Variants in ZNF385D observed in about 807,000 individuals in gnomAD.
The protein encoded by ZNF385D is zinc finger protein 659.
ZNF385D carries 15 observed loss-of-function variants against 35.8 expected under a neutral mutation model. The ratio of observed to expected loss-of-function variants is 0.42; its 90% CI spans 0.28 to 0.64. The LOEUF is 0.64. ZNF385D is among the 30% of genes least tolerant of loss of function. ZNF385D has a pLI of 0.23. For synonymous variants in ZNF385D, 212 were observed against 186.8 expected (o/e 1.13, Z -1.10); for missense variants, 474 against 494.6 (o/e 0.96, Z 0.39).
chr3:21,971,776 T>C (rs946006954), intron 3 of ZNF385D, among the ~76,000 whole-genome samples: 2 of 151,612 alleles, frequency 1.3e-5, no homozygotes, highest in Non-Finnish European at 2.9e-5. Context: ...AAAAAAGATA[T>C]TTCGTGCCAC....
At chr3:21,913,227 A>T (rs1292825766) in intron 3 of ZNF385D, among the ~76,000 whole-genome samples, 1 of 152,128 alleles carries the variant, frequency 6.6e-6, no homozygotes, top group East Asian at 1.9e-4. Flanking sequence ...CAGAGAAGGA[A>T]CAGTGTCACC....
At chr3:22,361,146 A>G (rs1206059167) in intron 2 of ZNF385D, among the ~76,000 whole-genome samples, 2 of 152,074 alleles carry the variant, frequency 1.3e-5, no homozygotes, top group African/African-American at 4.8e-5. Flanking sequence ...GGATGATGTA[A>G]AAACAAATTC....
intron 2 of ZNF385D, among the ~76,000 whole-genome samples, chr3:21,567,812 TTTTGGTGATCAGGGTATTA>T: frequency 6.6e-6 from 1 of 152,310 alleles, no homozygotes; most frequent in East Asian, 1.9e-4. Context: ...TTTTATCATA[TTTTGGTGATCAGGGTATTA>T]TTTTGGGTTT....
chr3:22,077,475 C>T (rs1700520911), intron 3 of ZNF385D, among the ~76,000 whole-genome samples: 1 of 151,944 alleles, frequency 6.6e-6, no homozygotes, highest in Non-Finnish European at 1.5e-5. Flanking sequence ...TCAGGCACAA[C>T]TAAAATAGGC....
At chr3:22,155,252 G>A (rs538979572) in intron 3 of ZNF385D, among the ~76,000 whole-genome samples, 2 of 152,060 alleles carry the variant, frequency 1.3e-5, no homozygotes, top group Non-Finnish European at 2.9e-5. Flanking sequence ...ATTGATTGCT[G>A]TGGTAAAGAA....
chr3:21,615,907 A>T (rs894010817), intron 2 of ZNF385D, among the ~76,000 whole-genome samples: 1 of 152,142 alleles, frequency 6.6e-6, no homozygotes, highest in Non-Finnish European at 1.5e-5. Flanking sequence ...CACAGCTTCC[A>T]GAATCTGAGT....
At chr3:21,989,013 C>T (rs529438481) in intron 3 of ZNF385D, among the ~76,000 whole-genome samples, 1 of 152,094 alleles carries the variant, frequency 6.6e-6, no homozygotes. Context: ...TGCTTCGGCT[C>T]GCGCACGGTG....
intron 3 of ZNF385D, chr3:21,961,464 T>C (rs896042260): frequency 6.6e-6 from 1 of 152,154 alleles, no homozygotes; most frequent in Non-Finnish European, 1.5e-5. Context: ...TAATTAGAAA[T>C]ATGAAGTAAC....
intron 3 of ZNF385D, among the ~76,000 whole-genome samples, chr3:21,529,171 A>G (rs2061859928): frequency 6.6e-6 from 1 of 152,084 alleles, no homozygotes; most frequent in Admixed American, 6.6e-5. Flanking sequence ...TAGTTTCTCA[A>G]ATGTTCCACC....
At chr3:21,487,870 C>CAAT (rs1238229543) in intron 4 of ZNF385D, among the ~76,000 whole-genome samples, 1 of 152,120 alleles carries the variant, frequency 6.6e-6, no homozygotes, top group Non-Finnish European at 1.5e-5. Context: ...TTTAATGAAT[C>CAAT]AATTCATGTA....
At chr3:22,266,288 A>G (rs907920560) in intron 2 of ZNF385D, among the ~76,000 whole-genome samples, 1 of 151,994 alleles carries the variant, frequency 6.6e-6, no homozygotes, top group Non-Finnish European at 1.5e-5. Flanking sequence ...GGTAGAAAAC[A>G]ATATAGCAAG....
intron 4 of ZNF385D, among the ~76,000 whole-genome samples, chr3:21,466,821 GA>G (rs1319493775): frequency 6.6e-6 from 1 of 152,110 alleles, no homozygotes; most frequent in Non-Finnish European, 1.5e-5. Context: ...GGTAACTAAA[GA>G]AAAATTCAGA....
At chr3:21,472,271 A>G (rs1703942178) in intron 4 of ZNF385D, among the ~76,000 whole-genome samples, 1 of 152,302 alleles carries the variant, frequency 6.6e-6, no homozygotes, top group Non-Finnish European at 1.5e-5. Flanking sequence ...AAGCATAACA[A>G]GAAATCTCTA....
chr3:22,236,551 T>C (rs769250730), intron 2 of ZNF385D, among the ~76,000 whole-genome samples: 33 of 152,306 alleles, frequency 2.2e-4, no homozygotes, highest in Non-Finnish European at 3.7e-4. Flanking sequence ...GATTTTTAAA[T>C]ATTAAGATAT....
chr3:21,522,686 T>A (rs1334547157), intron 3 of ZNF385D, among the ~76,000 whole-genome samples: 1 of 152,134 alleles, frequency 6.6e-6, no homozygotes, highest in Non-Finnish European at 1.5e-5. Context: ...GGGACTAGAT[T>A]AACTCTTGGA....
At chr3:22,184,438 T>C (rs755756539) in intron 2 of ZNF385D, among the ~76,000 whole-genome samples, 2 of 152,174 alleles carry the variant, frequency 1.3e-5, no homozygotes, top group Non-Finnish European at 2.9e-5. Context: ...AAATCTTCAA[T>C]ACTGTGTGTG....
chr3:21,638,498 C>T (rs2065512008), intron 2 of ZNF385D, among the ~76,000 whole-genome samples: 1 of 152,052 alleles, frequency 6.6e-6, no homozygotes. Flanking sequence ...TGAGCCCATC[C>T]CTGCATCGCC....
chr3:22,369,851 C>T (rs754073805), intron 2 of ZNF385D, among the ~76,000 whole-genome samples: 18 of 152,120 alleles, frequency 1.2e-4, no homozygotes, highest in Non-Finnish European at 2.5e-4. Context: ...AGCTGAAGAA[C>T]TCATAAGTAC....
intron 3 of ZNF385D, among the ~76,000 whole-genome samples, chr3:22,150,795 G>A (rs955119810): frequency 4.6e-5 from 7 of 152,108 alleles, no homozygotes; most frequent in South Asian, 2.1e-4. Context: ...TTAATCTGAT[G>A]TATATTCATG....
Sources: allele counts gnomAD v4.1 joint callset (sites outside exome capture counted in the v4.1 genomes callset), GRCh38; gene constraint gnomAD v4.1.1; transcripts MANE v1.5; gene names NCBI Gene and HGNC (gene_info 2026-07-23, HGNC 2026-07-21).